NDST1: variants seen among roughly 807,000 people sequenced by gnomAD.
NDST1 encodes N-deacetylase and N-sulfotransferase 1, also known as bifunctional heparan sulfate N-deacetylase/N-sulfotransferase 1.
A neutral mutation model predicts 92.8 loss-of-function variants in NDST1; 35 were observed. That is an observed-to-expected ratio of 0.38 (90% CI 0.29 to 0.50). NDST1 has a LOEUF of 0.50. NDST1 is among the 20% of genes least tolerant of loss of function. The probability of loss-of-function intolerance (pLI) is 0.94; values close to 1 mark genes in which losing one functional copy is unlikely to be tolerated. For synonymous variants in NDST1, 493 were observed against 500.3 expected, an observed-to-expected ratio of 0.99 and a Z score of 0.19; for missense variants, 822 against 1,182.7, an observed-to-expected ratio of 0.69 and a Z score of 4.47.
intron 2 of NDST1, among the ~76,000 whole-genome samples, chr5:150,526,781 G>A (rs1239875798): frequency 6.6e-6 from 1 of 152,200 alleles, no homozygotes; most frequent in Non-Finnish European, 1.5e-5. Context: ...ACAGGAACAA[G>A]GACAAATTGT....
chr5:150,536,874 A>G (rs1755016108), intron 6 of NDST1, among the ~76,000 whole-genome samples: 1 of 152,208 alleles, frequency 6.6e-6, no homozygotes, highest in African/African-American at 2.4e-5. Flanking sequence ...CCTCACATCT[A>G]TCCCTTTCCT....
intron 2 of NDST1, among the ~76,000 whole-genome samples, chr5:150,527,116 C>T (rs573629680): frequency 1.8e-4 from 27 of 152,360 alleles, no homozygotes; most frequent in African/African-American, 6.5e-4. Context: ...TTTGGAAACC[C>T]CAGGCAACCA....
At chr5:150,516,978 TGTG>T (rs1169543413) in intron 1 of NDST1, among the ~76,000 whole-genome samples, 1 of 35,020 alleles carries the variant, frequency 2.9e-5, no homozygotes, top group Non-Finnish European at 6.7e-5. Flanking sequence ...CATTTTCTAG[TGTG>T]TGTGTGTGTG....
At position 150,557,438 on chromosome 5, in the gene NDST1, A is replaced by T. The variant is rs1043780448; in HGVS notation, c.*4106A>T. On this transcript the variant is annotated 3_prime_UTR_variant, in exon 15 of 15. Coordinates refer to ENST00000261797, the MANE Select transcript of NDST1 (RefSeq NM_001543.5). This position sits in a 1 kb window ranked among gnomAD's most constrained non-coding sequence, Gnocchi z 4.7. ...TCAGTTGCAGCAGGGAAAAGCCTAC[A>T]TGGGGAACTGCCTCCCGCAAGCTGT... 6.6e-6 allele frequency: 1 copy of T among 152,578 alleles called. No homozygotes were observed. The highest frequency in any genetic ancestry group is 6.5e-5 in the Admixed American group (1 of 15,286). 9.5% of individuals were successfully genotyped at this position (152,578 alleles called of 1,614,324 possible). A position where few individuals can be genotyped will look rare whatever the true frequency, so the allele number is the denominator to read the frequency against.
chr5:150,507,266 C>CT (rs377397910), upstream of NDST1, among the ~76,000 whole-genome samples: 3,935 of 146,846 alleles, frequency 0.027, 163 homozygotes, highest in African/African-American at 0.09. Flanking sequence ...ATAAACATAC[C>CT]TTTTTTTTTT....
intron 1 of NDST1, among the ~76,000 whole-genome samples, chr5:150,498,602 G>T (rs1030508621): frequency 6.6e-6 from 1 of 152,156 alleles, no homozygotes; most frequent in Non-Finnish European, 1.5e-5. Context: ...TTGTCCTGAG[G>T]CAGGGTTATG....
At position 150,553,812 on chromosome 5, in the gene NDST1, C is replaced by A. The variant is rs73274417; in HGVS notation, c.*480C>A. 1,220 of 459,354 alleles carry A rather than the reference C, an allele frequency of 2.7e-3. 13 individuals carry two copies. Among genetic ancestry groups the A allele is most frequent in the African/African-American group, 0.021 (1,089 of 51,704 alleles). The allele number at this position is 459,354 out of a possible 1,614,324, so 28.5% of individuals were successfully genotyped here. On this transcript the variant is annotated 3_prime_UTR_variant, in exon 15 of 15. Transcript: ENST00000261797. The surrounding 1 kb of genome is among the most constrained non-coding windows in gnomAD (Gnocchi z 4.2). The stretch of plus-strand genomic sequence containing the variant: ...GAGCCAGGCTCTTCCAAGGGGCCAG[C>A]TGGGTCCCCGGAGTCAGTCCTAGGC...
At chr5:150,511,848 A>C (rs896836348) in intron 1 of NDST1, among the ~76,000 whole-genome samples, 35 of 152,032 alleles carry the variant, frequency 2.3e-4, no homozygotes, top group Non-Finnish European at 3.8e-4. Context: ...CTGGGAAGCA[A>C]ATGTGGAGGA....
At chr5:150,535,065 C>G (rs1754920662) in intron 5 of NDST1, 44 bp downstream of exon 5, 1 of 1,588,100 alleles carries the variant, frequency 6.3e-7, no homozygotes, top group Admixed American at 1.8e-5. Context: ...GGGCTAAGGG[C>G]TGGGCTGGAG....
chr5:150,508,890 C>T (rs1753587812), intron 1 of NDST1, among the ~76,000 whole-genome samples: 1 of 152,178 alleles, frequency 6.6e-6, no homozygotes, highest in African/African-American at 2.4e-5. Flanking sequence ...GTCCATACCC[C>T]TCACTGCAGT....
chr5:150,528,204 G>T lies in NDST1; in HGVS notation c.914G>T (p.Arg305Leu). 6.2e-7 allele frequency: 1 copy of T among 1,614,160 alleles called. No homozygotes were observed. Among genetic ancestry groups the T allele is most frequent in the Non-Finnish European group, 8.5e-7 (1 of 1,179,996 alleles). The change falls in exon 3 of 15, where the codon CGC becomes CTC. Residue 305 changes from arginine (R) to leucine (L), a missense_variant. Coordinates refer to ENST00000261797, the MANE Select transcript of NDST1 (RefSeq NM_001543.5). ...VDAVAFLTGK[R>L]LSLPLDRYIL... Reference sequence around the variant, plus strand: ...GCCGTGGCCTTCCTCACGGGGAAGCGCCTCTCCCTGCCATTGGACCGCTAC... The same window carrying T: ...GCCGTGGCCTTCCTCACGGGGAAGCTCCTCTCCCTGCCATTGGACCGCTAC...
chr5:150,530,123 C>G lies in NDST1; in HGVS notation c.1008+1825C>G, dbSNP rs529679499. Among the ~76,000 whole-genome samples, 5 of 152,290 alleles carry G rather than the reference C, an allele frequency of 3.3e-5. No individual in the cohort carries two copies. In the South Asian group the frequency reaches 1.0e-3, roughly 32 times the overall value. Reference sequence around the variant, plus strand: ...CTATTTCCTGGTGCCCAGGGGTCTCCCATAGGTGCCTGGATAGCTGGGGTG... The same window carrying G: ...CTATTTCCTGGTGCCCAGGGGTCTCGCATAGGTGCCTGGATAGCTGGGGTG... On this transcript the variant is annotated intron_variant, in intron 3 of 14. Coordinates refer to ENST00000261797, the MANE Select transcript of NDST1 (RefSeq NM_001543.5).
In NDST1 at chr5:150,548,224, C is replaced by T. The variant is rs1302728109; in HGVS notation, c.2152C>T (p.Arg718Ter). The T allele has an allele frequency of 4.3e-6, 7 of 1,614,056 alleles. No homozygotes were observed. The highest frequency in any genetic ancestry group is 5.9e-6 in the Non-Finnish European group (7 of 1,180,038). The change falls in exon 12 of 15, where the codon CGA becomes TGA. Residue 718 changes from arginine to a stop codon, truncating the protein, a stop_gained. Coordinates refer to ENST00000261797, the MANE Select transcript of NDST1 (RefSeq NM_001543.5). LOFTEE classifies it high-confidence loss of function. Reference protein sequence around the residue: ...DRAYSWYQHQRAHDDPVALKY... With the variant: ...DRAYSWYQHQ ...CCTCTTTCCTTGCCTGCAGCACCAG[C>T]GAGCCCATGACGACCCAGTGGCCCT...
intron 14 of NDST1, 86 bp downstream of exon 14, chr5:150,551,941 C>T: frequency 6.4e-7 from 1 of 1,562,380 alleles, no homozygotes; most frequent in Middle Eastern, 1.7e-4. Flanking sequence ...TTTCCTTTAC[C>T]ATGCACTCAG....
chr5:150,517,857 C>G (rs1017947866), intron 1 of NDST1, among the ~76,000 whole-genome samples: 1 of 152,252 alleles, frequency 6.6e-6, no homozygotes, highest in African/African-American at 2.4e-5. Flanking sequence ...TGCTCTCCTC[C>G]GCTTCCATGG....
chr5:150,549,848 A>T, intron 13 of NDST1, 61 bp downstream of exon 13: 1 of 996,444 alleles, frequency 1.0e-6, no homozygotes, highest in Non-Finnish European at 1.6e-6. Context: ...GGGCCAACAA[A>T]GCCAAAGTCT....
intron 8 of NDST1, among the ~76,000 whole-genome samples, chr5:150,541,139 A>T (rs991012811): frequency 6.6e-6 from 1 of 152,216 alleles, no homozygotes; most frequent in Non-Finnish European, 1.5e-5. Flanking sequence ...AGCCACGCTC[A>T]TTCTTGTATC....
In NDST1 at chr5:150,549,738, C is replaced by G; in HGVS notation, c.2377C>G (p.Gln793Glu). The G allele has an allele frequency of 6.2e-7, 1 of 1,614,050 alleles. No homozygotes were observed. The highest frequency in any genetic ancestry group is 8.5e-7 in the Non-Finnish European group (1 of 1,179,908). The change falls in exon 13 of 15, where the codon CAG becomes GAG. Residue 793 changes from glutamine (Q) to glutamate (E), a missense_variant. Gln to Glu is a conservative substitution (Grantham distance 29, BLOSUM62 2). Transcript: ENST00000261797. ...TEPAKVMDMV[Q>E]KFLGVTNTID... ...ACCTGCCAAAGTGATGGACATGGTG[C>G]AGAAGTTCCTTGGGGTGACCAACAC...
At position 150,535,768 on chromosome 5, in the gene NDST1, C is replaced by T. The variant is rs779488995; in HGVS notation, c.1320C>T (p.His440=). ...ACCACTCGGGCGTGTACCCCGTGCA[C>T]GTGCAGCTGTACGAGGCTTGGAAGC... is the stretch of plus-strand genomic sequence containing the variant. ...APHHSGVYPV[H]VQLYEAWKQV... Residue 440 remains histidine (H), a synonymous_variant, in exon 6 of 15, where the codon CAC becomes CAT. Transcript: ENST00000261797. The T allele has an allele frequency of 2.0e-5, 33 of 1,614,254 alleles. No homozygotes were observed. Among genetic ancestry groups the T allele is most frequent in the African/African-American group, 5.3e-5 (4 of 75,060 alleles).
Sources: allele counts gnomAD v4.1 joint callset (sites outside exome capture counted in the v4.1 genomes callset), GRCh38; gene constraint gnomAD v4.1.1; non-coding constraint Gnocchi (gnomAD v3.1); transcripts MANE v1.5; gene names NCBI Gene and HGNC (gene_info 2026-07-23, HGNC 2026-07-21).